Variants in RNF212B observed in about 807,000 individuals in gnomAD.
RNF212B encodes E3 ubiquitin-protein ligase RNF212B.
Under a neutral mutation model 55.5 loss-of-function variants are expected in RNF212B, and 52 were observed. That is an observed-to-expected ratio of 0.94 (90% CI 0.75 to 1.18). The LOEUF is 1.18. RNF212B is among the 50% of genes most tolerant of loss of function. The pLI is 0.00. For missense variants in RNF212B, 289 were observed against 350.4 expected, an observed-to-expected ratio of 0.82 and a Z score of 1.40; for synonymous variants, 99 against 121.4, an observed-to-expected ratio of 0.82 and a Z score of 1.21.
intron 1 of RNF212B, among the ~76,000 whole-genome samples, chr14:23,238,887 CA>C (rs1353717218): frequency 6.6e-6 from 1 of 151,924 alleles, no homozygotes; most frequent in East Asian, 1.9e-4. Flanking sequence ...ATGTCTAACA[CA>C]AAAGTTATTT....
At chr14:23,186,263 CAA>C (rs1877580565) in intron 1 of RNF212B, among the ~76,000 whole-genome samples, 1 of 151,814 alleles carries the variant, frequency 6.6e-6, no homozygotes, top group African/African-American at 2.4e-5. Flanking sequence ...ACATTGAACA[CAA>C]GAGAGAAAGA....
intron 1 of RNF212B, among the ~76,000 whole-genome samples, chr14:23,189,343 T>C (rs75739051): frequency 0.092 from 13,989 of 152,190 alleles, 782 homozygotes; most frequent in Non-Finnish European, 0.13. Context: ...GTGCTGTCTG[T>C]GTTCCTATGT....
intron 2 of RNF212B, among the ~76,000 whole-genome samples, chr14:23,220,074 C>T (rs373650808): frequency 1.4e-4 from 21 of 152,076 alleles, no homozygotes; most frequent in African/African-American, 3.9e-4. Context: ...ATCCCAGCTA[C>T]TCCAGAGGCT....
rs1286429535 is a variant in RNF212B, at chr14:23,273,446, AAAAT to A, written c.*559_*562del. On this transcript the variant is annotated 3_prime_UTR_variant, in exon 15 of 15. Coordinates refer to ENST00000430154, the MANE Select transcript of RNF212B (RefSeq NM_001282322.3). ...ATTTTCAGCTTAGTATATAGATAGT[AAAAT>A]AAAGACGATGCCCTTTTATTGCTAC... 1 of 152,288 alleles carries A rather than the reference AAAAT, an allele frequency of 6.6e-6. No homozygotes were observed. Among genetic ancestry groups the A allele is most frequent in the East Asian group, 1.9e-4 (1 of 5,208 alleles). 9.4% of individuals were successfully genotyped at this position (152,288 alleles called of 1,614,324 possible). A position where few individuals can be genotyped will look rare whatever the true frequency, so the allele number is the denominator to read the frequency against.
intron 14 of RNF212B, among the ~76,000 whole-genome samples, chr14:23,272,161 T>TA (rs1428884445): frequency 6.6e-6 from 1 of 152,162 alleles, no homozygotes; most frequent in African/African-American, 2.4e-5. Flanking sequence ...CTCATGCCTG[T>TA]AATCCCAGCA....
At chr14:23,199,400 C>G (rs943237149) in intron 2 of RNF212B, among the ~76,000 whole-genome samples, 5 of 152,180 alleles carry the variant, frequency 3.3e-5, no homozygotes, top group African/African-American at 1.2e-4. Context: ...ATGCATCTAT[C>G]TCAGTGAGCA....
chr14:23,203,622 G>A (rs1235509754), intron 2 of RNF212B, among the ~76,000 whole-genome samples: 1 of 151,834 alleles, frequency 6.6e-6, no homozygotes, highest in Non-Finnish European at 1.5e-5. Context: ...GAGATTATAA[G>A]TGTGTGCCAC....
upstream of RNF212B, among the ~76,000 whole-genome samples, chr14:23,233,149 G>T (rs979249484): frequency 5.3e-5 from 8 of 152,148 alleles, no homozygotes; most frequent in Admixed American, 4.6e-4. Flanking sequence ...TGTCCACTCG[G>T]GGTTAAATGG....
intron 2 of RNF212B, among the ~76,000 whole-genome samples, chr14:23,196,935 A>G (rs978197781): frequency 6.6e-6 from 1 of 152,106 alleles, no homozygotes; most frequent in Non-Finnish European, 1.5e-5. Flanking sequence ...AACTAGAGTG[A>G]TTTTATGATT....
upstream of RNF212B, among the ~76,000 whole-genome samples, chr14:23,237,425 TG>T (rs1883196029): frequency 6.6e-6 from 1 of 152,186 alleles, no homozygotes; most frequent in African/African-American, 2.4e-5. Context: ...CCACCGCCCC[TG>T]GCCAAAAATT....
intron 4 of RNF212B, among the ~76,000 whole-genome samples, chr14:23,247,133 T>C (rs1260409382): frequency 2.1e-4 from 27 of 125,884 alleles, no homozygotes; most frequent in African/African-American, 5.1e-4. Context: ...CGAGCAAAAC[T>C]CCATCTCAAA....
At chr14:23,231,872 C>T (rs1405861986) in intron 2 of RNF212B, among the ~76,000 whole-genome samples, 2 of 152,248 alleles carry the variant, frequency 1.3e-5, no homozygotes, top group African/African-American at 4.8e-5. Flanking sequence ...CAGCTCCTAA[C>T]CGTGAGTGAT....
intron 11 of RNF212B, among the ~76,000 whole-genome samples, chr14:23,266,006 T>G (rs959789857): frequency 4.6e-5 from 7 of 152,210 alleles, no homozygotes; most frequent in African/African-American, 1.2e-4. Context: ...AGATGGGGTC[T>G]CACTCTGTTG....
chr14:23,237,899 C>T (rs569165457), upstream of RNF212B, among the ~76,000 whole-genome samples: 2 of 152,160 alleles, frequency 1.3e-5, no homozygotes, highest in Non-Finnish European at 2.9e-5. Context: ...CGCCAGGCCC[C>T]GCCCACACCT....
intron 1 of RNF212B, among the ~76,000 whole-genome samples, chr14:23,187,622 C>A (rs1471400544): frequency 6.6e-6 from 1 of 152,096 alleles, no homozygotes; most frequent in Non-Finnish European, 1.5e-5. Context: ...CAATAGACAG[C>A]ACTTTATTCT....
At chr14:23,188,989 CT>C (rs1594851360) in intron 1 of RNF212B, among the ~76,000 whole-genome samples, 1 of 152,148 alleles carries the variant, frequency 6.6e-6, no homozygotes, top group African/African-American at 2.4e-5. Flanking sequence ...CAAGATGTAG[CT>C]GTTGGTGCCT....
At chr14:23,190,627 C>T (rs1022326042) in intron 1 of RNF212B, among the ~76,000 whole-genome samples, 4 of 152,216 alleles carry the variant, frequency 2.6e-5, no homozygotes, top group African/African-American at 9.7e-5. Context: ...CAGCTCTCAC[C>T]TACACTGTTT....
intron 2 of RNF212B, among the ~76,000 whole-genome samples, chr14:23,211,730 T>A (rs1012788396): frequency 5.9e-5 from 9 of 152,182 alleles, no homozygotes; most frequent in Non-Finnish European, 1.2e-4. Context: ...AAAATTAGTA[T>A]TATTATTTTT....
At chr14:23,238,933 G>C (rs912669372) in intron 1 of RNF212B, among the ~76,000 whole-genome samples, 4 of 152,086 alleles carry the variant, frequency 2.6e-5, no homozygotes, top group Admixed American at 2.6e-4. Flanking sequence ...GGGGAATCAG[G>C]AGACCAATAA....
Sources: gnomAD v4.1 joint callset for allele counts (sites outside exome capture counted in the v4.1 genomes callset) on GRCh38, gnomAD v4.1.1 for gene constraint, MANE v1.5 for transcripts, NCBI Gene and HGNC (gene_info 2026-07-23, HGNC 2026-07-21) for gene names.